Variants in KIAA1217 observed in about 807,000 individuals in gnomAD.
KIAA1217 encodes the protein KIAA1217.
In KIAA1217, 88 loss-of-function variants were observed where a neutral mutation model predicts 163.9. The observed-to-expected ratio is 0.54, with a 90% CI of 0.45 to 0.64. The LOEUF is 0.64. Ranked by LOEUF, KIAA1217 falls within the 30% of genes least tolerant of loss-of-function variation. KIAA1217 has a pLI of 0.00. For synonymous variants in KIAA1217, 903 were observed against 923.1 expected, an observed-to-expected ratio of 0.98 and a Z score of 0.39; for missense variants, 2,372 against 2,475.0, an observed-to-expected ratio of 0.96 and a Z score of 0.88.
chr10:23,837,915 A>T (rs1324376796), intron 1 of KIAA1217, among the ~76,000 whole-genome samples: 1 of 152,088 alleles, frequency 6.6e-6, no homozygotes, highest in East Asian at 1.9e-4. Flanking sequence ...CTCCCTGTAT[A>T]TAGGGCAACT....
At chr10:23,871,686 G>T (rs1588987491) in intron 1 of KIAA1217, among the ~76,000 whole-genome samples, 2 of 152,124 alleles carry the variant, frequency 1.3e-5, no homozygotes, top group East Asian at 3.9e-4. Flanking sequence ...GACTTTCTAA[G>T]TATGGGGGTT....
chr10:24,073,586 T>C (rs972450588), intron 2 of KIAA1217, among the ~76,000 whole-genome samples: 8 of 152,214 alleles, frequency 5.3e-5, no homozygotes, highest in African/African-American at 1.9e-4. Flanking sequence ...GAGATGGTCT[T>C]ACTCTAGCTG....
chr10:24,258,902 C>T (rs1281616755), intron 2 of KIAA1217, among the ~76,000 whole-genome samples: 1 of 152,098 alleles, frequency 6.6e-6, no homozygotes, highest in East Asian at 1.9e-4. Flanking sequence ...CGGCTTACAT[C>T]TTAATGAGCC....
chr10:24,067,402 G>T, intron 2 of KIAA1217, among the ~76,000 whole-genome samples: 1 of 152,192 alleles, frequency 6.6e-6, no homozygotes, highest in East Asian at 1.9e-4. Context: ...GTTTACTGGA[G>T]GTCCACTCCA....
At chr10:24,269,397 A>G (rs2076565083) in intron 2 of KIAA1217, among the ~76,000 whole-genome samples, 1 of 151,928 alleles carries the variant, frequency 6.6e-6, no homozygotes, top group Non-Finnish European at 1.5e-5. Flanking sequence ...GTTGGCACAC[A>G]TTTGTAGTCC....
At chr10:24,462,456 T>G (rs1462189402) in intron 5 of KIAA1217, among the ~76,000 whole-genome samples, 1 of 152,164 alleles carries the variant, frequency 6.6e-6, no homozygotes, top group Non-Finnish European at 1.5e-5. Context: ...GGAACATCGT[T>G]CTTTGCAGAA....
At chr10:24,099,475 G>A (rs898015656) in intron 2 of KIAA1217, among the ~76,000 whole-genome samples, 2 of 150,136 alleles carry the variant, frequency 1.3e-5, no homozygotes, top group African/African-American at 4.9e-5. Flanking sequence ...CAGAATGATG[G>A]TTTCCAGCTT....
At chr10:24,011,154 T>C (rs1452292934) in intron 2 of KIAA1217, among the ~76,000 whole-genome samples, 1 of 152,104 alleles carries the variant, frequency 6.6e-6, no homozygotes, top group Admixed American at 6.6e-5. Context: ...GCATTACCTA[T>C]GGAACCTCCA....
At chr10:23,862,480 G>C (rs1407307425) in intron 1 of KIAA1217, among the ~76,000 whole-genome samples, 1 of 152,098 alleles carries the variant, frequency 6.6e-6, no homozygotes, top group African/African-American at 2.4e-5. Flanking sequence ...TGTTGTTCTT[G>C]ACCAACCAGA....
At chr10:24,337,361 A>G (rs1172227472) in intron 2 of KIAA1217, among the ~76,000 whole-genome samples, 1 of 152,184 alleles carries the variant, frequency 6.6e-6, no homozygotes, top group Non-Finnish European at 1.5e-5. Flanking sequence ...CTACAGTTAG[A>G]TACATATCAC....
chr10:23,764,272 C>T (rs193071299), intron 1 of KIAA1217, among the ~76,000 whole-genome samples: 116 of 152,122 alleles, frequency 7.6e-4, no homozygotes, highest in African/African-American at 1.3e-3. Context: ...TCATGCCAGT[C>T]GGAATGGTGA....
rs1304017107 is a variant in KIAA1217 at position 24,298,185 on chromosome 10, T to G, written c.354+78276T>G. Among the ~76,000 whole-genome samples the G allele has an allele frequency of 3.3e-5, 5 of 152,216 alleles. No homozygotes were observed. The East Asian group carries it at 9.6e-4, about 29-fold the overall frequency. On this transcript the variant is annotated intron_variant, in intron 2 of 20. Coordinates refer to ENST00000376454, the MANE Select transcript of KIAA1217 (RefSeq NM_019590.5). Reference sequence around the variant, plus strand: ...AGTAATGTCTCTGCTCATATCAGTCTGCATGTGTAACTATTGAATTCACAC... The same window carrying G: ...AGTAATGTCTCTGCTCATATCAGTCGGCATGTGTAACTATTGAATTCACAC...
At chr10:24,261,114 C>T (rs902660204) in intron 2 of KIAA1217, among the ~76,000 whole-genome samples, 1 of 151,664 alleles carries the variant, frequency 6.6e-6, no homozygotes, top group Non-Finnish European at 1.5e-5. Flanking sequence ...ATACATATGT[C>T]CTTCTCCAAA....
rs2066161594 is a variant in KIAA1217 at position 24,181,334 on chromosome 10, G to C, written c.-170-38292G>C. ...AGTAGGACCTGGCTAGATGAAGTGAGAGGGGGAAGGATGAAAGGCCAAAGG... is the reference window on the plus strand; with the variant it reads ...AGTAGGACCTGGCTAGATGAAGTGACAGGGGGAAGGATGAAAGGCCAAAGG... On this transcript the variant is annotated intron_variant, in intron 2 of 18. Transcript: ENST00000376462. Among the ~76,000 whole-genome samples the C allele has an allele frequency of 3.9e-5, 6 of 152,184 alleles. No individual in the cohort carries two copies. In the South Asian group the frequency reaches 1.2e-3, roughly 32 times the overall value.
intron 1 of KIAA1217, among the ~76,000 whole-genome samples, chr10:23,806,024 A>G (rs1437180637): frequency 7.0e-6 from 1 of 142,598 alleles, no homozygotes; most frequent in Non-Finnish European, 1.5e-5. Context: ...AAAAAAAAAA[A>G]GAAAAGAAAG....
intron 2 of KIAA1217, among the ~76,000 whole-genome samples, chr10:24,077,206 T>A (rs1292366949): frequency 1.1e-4 from 17 of 152,064 alleles, no homozygotes; most frequent in Admixed American, 1.1e-3. Context: ...AAGTTCAGGG[T>A]TACATGTGCA....
intron 1 of KIAA1217, among the ~76,000 whole-genome samples, chr10:23,851,669 C>T (rs1470147283): frequency 6.6e-6 from 1 of 152,208 alleles, no homozygotes; most frequent in African/African-American, 2.4e-5. Context: ...TCCTCTCCAG[C>T]ACCTGCTGTT....
chr10:24,488,533 G>A (rs938604659), intron 6 of KIAA1217, among the ~76,000 whole-genome samples: 9 of 152,192 alleles, frequency 5.9e-5, no homozygotes, highest in African/African-American at 2.2e-4. Context: ...AGATCTAAAT[G>A]TGTCAATGAG....
At chr10:24,443,737 G>C (rs1230980960) in intron 5 of KIAA1217, among the ~76,000 whole-genome samples, 2 of 152,078 alleles carry the variant, frequency 1.3e-5, no homozygotes, top group Non-Finnish European at 2.9e-5. Context: ...GATATTAAGG[G>C]ATAGCTGGTA....
Sources: allele counts gnomAD v4.1 joint callset (sites outside exome capture counted in the v4.1 genomes callset), GRCh38; gene constraint gnomAD v4.1.1; transcripts MANE v1.5; gene names NCBI Gene and HGNC (gene_info 2026-07-23, HGNC 2026-07-21).